The following DGKD variants were observed in gnomAD, a reference collection of about 807,000 sequenced individuals.
DGKD encodes diacylglycerol kinase delta, also known as DAG kinase delta.
In DGKD, 68 loss-of-function variants were observed where a neutral mutation model predicts 154.4. The observed-to-expected ratio is 0.44, with a 90% CI of 0.36 to 0.54. The LOEUF (loss-of-function observed/expected upper bound fraction) is 0.54. Among genes scored for constraint, DGKD ranks in the 20% least tolerant of loss-of-function variants. DGKD has a pLI of 0.00. For synonymous variants in DGKD, 693 were observed against 638.0 expected (o/e 1.09, Z -1.30); for missense variants, 1,343 against 1,593.6 (o/e 0.84, Z 2.68).
chr2:233,374,086 T>C (rs746743786), intron 1 of DGKD, among the ~76,000 whole-genome samples: 1 of 152,062 alleles, frequency 6.6e-6, no homozygotes, highest in Non-Finnish European at 1.5e-5. Flanking sequence ...GAAGTCTCGC[T>C]CTCACCCAGG....
At position 233,445,450 on chromosome 2, in the gene DGKD, C is replaced by T. The variant is rs145983638; in HGVS notation, c.1195-173C>T. Among the ~76,000 whole-genome samples the T allele has an allele frequency of 6.6e-6, 1 of 152,230 alleles. No homozygotes were observed. The highest frequency in any genetic ancestry group is 2.4e-5 in the African/African-American group (1 of 41,530). On this transcript the variant is annotated intron_variant, in intron 10 of 29. Transcript: ENST00000264057. This position sits in a 1 kb window ranked among gnomAD's most constrained non-coding sequence, Gnocchi z 5.5. ...TTCTGTCTCATTGCCAAGGAAAATG[C>T]CATCTGTCCCCTCCAGTGGGCTCTG...
At chr2:233,360,809 T>C (rs182001088) in intron 1 of DGKD, among the ~76,000 whole-genome samples, 2 of 152,188 alleles carry the variant, frequency 1.3e-5, no homozygotes, top group Admixed American at 1.3e-4. Context: ...GGAAAAAGGT[T>C]ATGGGAAAAT....
chr2:233,464,394 C>T lies in DGKD; in HGVS notation c.3306+111C>T, dbSNP rs187199889. On this transcript the variant is annotated intron_variant, in intron 27 of 29. Coordinates refer to ENST00000264057, the MANE Select transcript of DGKD (RefSeq NM_152879.3). ...CTCTGGGATCAAGATCGTGTCGCTC[C>T]GGCAGCCCCTGAGGGGCCTTCTCCA... 1,713 of 1,420,244 alleles carry T rather than the reference C, an allele frequency of 1.2e-3. 40 individuals are homozygous for T. In the Admixed American group the frequency reaches 0.032, roughly 26 times the overall value. The allele number at this position is 1,420,244 out of a possible 1,614,324, so 88.0% of individuals were successfully genotyped here.
chr2:233,453,013 T>G (rs2063338878), intron 18 of DGKD, among the ~76,000 whole-genome samples: 1 of 152,180 alleles, frequency 6.6e-6, no homozygotes, highest in African/African-American at 2.4e-5. Flanking sequence ...GGGGCTCCAG[T>G]TCTCAGCCCT....
chr2:233,417,369 TTACTG>T (rs1458719849), intron 3 of DGKD, among the ~76,000 whole-genome samples: 1 of 152,202 alleles, frequency 6.6e-6, no homozygotes, highest in Admixed American at 6.5e-5. Context: ...AGTTCTGTAT[TTACTG>T]TAGTGTTTAT....
At chr2:233,395,010 A>G (rs1431042201) in intron 3 of DGKD, among the ~76,000 whole-genome samples, 2 of 151,854 alleles carry the variant, frequency 1.3e-5, no homozygotes, top group Admixed American at 6.6e-5. Flanking sequence ...CCTAGATTTA[A>G]TTCTTGTAAA....
At chr2:233,463,649 ATGTCC>A (rs1171635728) in intron 26 of DGKD, among the ~76,000 whole-genome samples, 1 of 145,246 alleles carries the variant, frequency 6.9e-6, no homozygotes, top group East Asian at 2.1e-4. Context: ...CACTCCACGC[ATGTCC>A]TCACTGCACG....
chr2:233,429,435 AC>A, intron 3 of DGKD: 1 of 631,710 alleles, frequency 1.6e-6, no homozygotes, highest in Non-Finnish European at 2.0e-6. Context: ...GATGACATGC[AC>A]CCACTCGGCC....
chr2:233,435,224 CG>C (rs1553635936), intron 5 of DGKD, among the ~76,000 whole-genome samples: 1 of 152,140 alleles, frequency 6.6e-6, no homozygotes, highest in Non-Finnish European at 1.5e-5. Flanking sequence ...GCCGGGGAAA[CG>C]GGGCTGTGCA....
intron 9 of DGKD, among the ~76,000 whole-genome samples, chr2:233,439,550 G>A (rs1228639945): frequency 1.3e-5 from 2 of 152,170 alleles, no homozygotes; most frequent in East Asian, 3.8e-4. Context: ...GGCTGATCAA[G>A]ATATTTTAAT....
rs771255173 is a variant in DGKD at position 233,459,716 on chromosome 2, G to GT, written c.2695-37dup. ...TGATAGCACTTTTAAACCCCTGGGG[G>GT]TTTTGGCTCAGCATGAGTAATGGCT... On this transcript the variant is annotated intron_variant, in intron 22 of 29. Coordinates refer to ENST00000264057, the MANE Select transcript of DGKD (RefSeq NM_152879.3). The surrounding 1 kb of genome is among the most constrained non-coding windows in gnomAD (Gnocchi z 5.7). 6.2e-7 allele frequency: 1 copy of GT among 1,603,426 alleles called. No individual in the cohort carries two copies. Among genetic ancestry groups the GT allele is most frequent in the East Asian group, 2.2e-5 (1 of 44,710 alleles).
chr2:233,457,571 G>A lies in DGKD; in HGVS notation c.2580+243G>A. On this transcript the variant is annotated intron_variant, in intron 21 of 29. Transcript: ENST00000264057. This position sits in a 1 kb window ranked among gnomAD's most constrained non-coding sequence, Gnocchi z 5.5. Reference sequence around the variant, plus strand: ...TGTGGTCAGCAGATGTGGTCAGCGGGTGTGACGTGGAAGGAGGGTCAGGGA... The same window carrying A: ...TGTGGTCAGCAGATGTGGTCAGCGGATGTGACGTGGAAGGAGGGTCAGGGA... 1.6e-6 allele frequency: 1 copy of A among 625,296 alleles called. No individual in the cohort carries two copies. Among genetic ancestry groups the A allele is most frequent in the Non-Finnish European group, 3.0e-6 (1 of 334,832 alleles). The allele number at this position is 625,296 out of a possible 1,614,324, so 38.7% of individuals were successfully genotyped here.
chr2:233,467,397 G>A (rs2063857257), intron 28 of DGKD, among the ~76,000 whole-genome samples, 194 bp downstream of exon 28: 1 of 152,172 alleles, frequency 6.6e-6, no homozygotes, highest in Non-Finnish European at 1.5e-5. Flanking sequence ...CCCTCTGACC[G>A]TTGTCACACC....
intron 1 of DGKD, among the ~76,000 whole-genome samples, chr2:233,374,461 A>G (rs546610410): frequency 6.6e-6 from 1 of 152,202 alleles, no homozygotes; most frequent in Admixed American, 6.5e-5. Flanking sequence ...TGGCCTCCCC[A>G]GAGGCTAGGA....
intron 3 of DGKD, among the ~76,000 whole-genome samples, chr2:233,426,731 G>A (rs146237480): frequency 3.3e-5 from 5 of 152,258 alleles, no homozygotes; most frequent in African/African-American, 7.2e-5. Flanking sequence ...GAAGGTATGC[G>A]TTTGCATTTC....
At chr2:233,395,444 A>C (rs1703943188) in intron 3 of DGKD, among the ~76,000 whole-genome samples, 1 of 152,112 alleles carries the variant, frequency 6.6e-6, no homozygotes, top group Non-Finnish European at 1.5e-5. Context: ...TGCTGAGGTT[A>C]CAGGCATGAG....
At position 233,449,080 on chromosome 2, in the gene DGKD, T is replaced by C; in HGVS notation, c.1615-23T>C. On this transcript the variant is annotated intron_variant, in intron 14 of 29. Coordinates refer to ENST00000264057, the MANE Select transcript of DGKD (RefSeq NM_152879.3). This position sits in a 1 kb window ranked among gnomAD's most constrained non-coding sequence, Gnocchi z 5.3. ...CCTGTTCTCCTGCCTCAGCTCTGCA[T>C]GCCATTTCCTTTCCTTGTTCAGTGC... 1 of 1,571,554 alleles carries C rather than the reference T, an allele frequency of 6.4e-7. No individual in the cohort carries two copies. The highest frequency in any genetic ancestry group is 2.3e-5 in the East Asian group (1 of 43,934).
chr2:233,397,440 GGC>G (rs1245053024), intron 3 of DGKD, among the ~76,000 whole-genome samples: 1 of 138,962 alleles, frequency 7.2e-6, no homozygotes. Flanking sequence ...CAGGGTGGCT[GGC>G]AGAGGCCAGA....
At position 233,445,323 on chromosome 2, in the gene DGKD, G is replaced by T. The variant is rs1430801555; in HGVS notation, c.1195-300G>T. 2.0e-5 allele frequency among the ~76,000 whole-genome samples: 3 copies of T among 152,070 alleles called. No individual in the cohort carries two copies. ...GGATTTGGGAGACAGATCAGAGAGG[G>T]TGTGAGGGGCTGACCATCAAGATGT... On this transcript the variant is annotated intron_variant, in intron 10 of 29. Transcript: ENST00000264057. The surrounding 1 kb of genome is among the most constrained non-coding windows in gnomAD (Gnocchi z 5.5).
Sources: gnomAD v4.1 joint callset for allele counts (sites outside exome capture counted in the v4.1 genomes callset) on GRCh38, gnomAD v4.1.1 for gene constraint, Gnocchi (gnomAD v3.1) non-coding constraint, MANE v1.5 for transcripts, NCBI Gene and HGNC (gene_info 2026-07-23, HGNC 2026-07-21) for gene names.